Variants in DLGAP1 observed in about 807,000 individuals in gnomAD.
DLGAP1 encodes disks large-associated protein 1.
A neutral mutation model predicts 90.8 loss-of-function variants in DLGAP1; 11 were observed. The ratio of observed to expected loss-of-function variants is 0.12; its 90% CI spans 0.08 to 0.20. The LOEUF (loss-of-function observed/expected upper bound fraction) is 0.20, where lower values mean the gene tolerates loss of function less well. Among genes scored for constraint, DLGAP1 ranks in the 10% least tolerant of loss-of-function variants. The pLI is 1.00. For missense variants in DLGAP1, 1,050 were observed against 1,333.8 expected, an observed-to-expected ratio of 0.79 and a Z score of 3.31; for synonymous variants, 558 against 540.7, an observed-to-expected ratio of 1.03 and a Z score of -0.44.
intron 7 of DLGAP1, among the ~76,000 whole-genome samples, chr18:3,670,249 T>G (rs543709320): frequency 2.6e-5 from 4 of 152,266 alleles, no homozygotes; most frequent in African/African-American, 7.2e-5. Context: ...ACTAGAGAGA[T>G]AAATGGTGCC....
At chr18:3,531,628 G>A (rs2052011754) in intron 10 of DLGAP1, among the ~76,000 whole-genome samples, 1 of 151,646 alleles carries the variant, frequency 6.6e-6, no homozygotes, top group Non-Finnish European at 1.5e-5. Context: ...GATCACAGGG[G>A]CCAATCTCCA....
intron 1 of DLGAP1, among the ~76,000 whole-genome samples, chr18:4,439,136 C>T (rs918615010): frequency 6.6e-6 from 1 of 152,188 alleles, no homozygotes; most frequent in South Asian, 2.1e-4. Flanking sequence ...CACAGCACCC[C>T]GTGGCCTCTC....
intron 1 of DLGAP1, among the ~76,000 whole-genome samples, chr18:4,266,991 C>T (rs2079145723): frequency 6.6e-6 from 1 of 152,196 alleles, no homozygotes; most frequent in African/African-American, 2.4e-5. Flanking sequence ...TGTGCTCACC[C>T]ACCCACTGAT....
chr18:4,065,884 A>G (rs1371096947), intron 2 of DLGAP1, among the ~76,000 whole-genome samples: 1 of 152,192 alleles, frequency 6.6e-6, no homozygotes, highest in African/African-American at 2.4e-5. Context: ...AAAAGAACAA[A>G]GCTGAAGGCA....
intron 3 of DLGAP1, among the ~76,000 whole-genome samples, chr18:3,970,031 T>C (rs2073412604): frequency 6.6e-6 from 1 of 152,210 alleles, no homozygotes; most frequent in African/African-American, 2.4e-5. Context: ...TTAATACTAG[T>C]GGTAAGTTTG....
At chr18:4,299,045 C>A (rs2080057159) in intron 1 of DLGAP1, among the ~76,000 whole-genome samples, 1 of 136,074 alleles carries the variant, frequency 7.3e-6, no homozygotes, top group Admixed American at 8.3e-5. Context: ...CACGCCACTG[C>A]AGTCTAGCCT....
Position 4,198,733 on chromosome 18 carries a change from T to A in DLGAP1, c.-266-47446A>T, listed in dbSNP as rs976435414. On this transcript the variant is annotated intron_variant, in intron 1 of 12. Coordinates refer to ENST00000315677, the MANE Select transcript of DLGAP1 (RefSeq NM_004746.4). ...TAAGGATAAGAGATTGGCCTCAAGG[T>A]ACAATTCATCTTTCTCCTCATATTC... Among the ~76,000 whole-genome samples, 7 of 152,340 alleles carry A rather than the reference T, an allele frequency of 4.6e-5. No homozygotes were observed. The East Asian group carries it at 1.3e-3, about 29-fold the overall frequency.
At chr18:4,170,459 G>C (rs561807433) in intron 1 of DLGAP1, among the ~76,000 whole-genome samples, 83 of 152,178 alleles carry the variant, frequency 5.5e-4, no homozygotes, top group South Asian at 8.3e-4. Flanking sequence ...GTGAGAATGG[G>C]GAGTGAGGTC....
chr18:4,362,007 G>T (rs2081640547), intron 1 of DLGAP1, among the ~76,000 whole-genome samples: 1 of 152,118 alleles, frequency 6.6e-6, no homozygotes, highest in Non-Finnish European at 1.5e-5. Context: ...AATCAGTAGG[G>T]AAATGAAAAT....
chr18:4,286,558 T>G (rs745496240), intron 1 of DLGAP1, among the ~76,000 whole-genome samples: 1 of 151,994 alleles, frequency 6.6e-6, no homozygotes, highest in Non-Finnish European at 1.5e-5. Context: ...TAGCACAGGA[T>G]TAAAAGCGTC....
At chr18:3,742,026 A>T (rs758022260) in intron 6 of DLGAP1, among the ~76,000 whole-genome samples, 1 of 151,962 alleles carries the variant, frequency 6.6e-6, no homozygotes, top group Non-Finnish European at 1.5e-5. Flanking sequence ...TATTTTTGAT[A>T]GATACAGGGT....
intron 7 of DLGAP1, among the ~76,000 whole-genome samples, chr18:3,635,879 C>A (rs990210602): frequency 6.6e-6 from 1 of 151,520 alleles, no homozygotes; most frequent in Non-Finnish European, 1.5e-5. Context: ...TGCCTCTAAT[C>A]CAGACCCTTC....
At chr18:3,807,901 G>A (rs1479487922) in intron 5 of DLGAP1, among the ~76,000 whole-genome samples, 1 of 152,058 alleles carries the variant, frequency 6.6e-6, no homozygotes, top group African/African-American at 2.4e-5. Context: ...TTCAGTCTAC[G>A]CAGGCTTCCT....
intron 5 of DLGAP1, among the ~76,000 whole-genome samples, chr18:3,804,177 G>T (rs1396282926): frequency 6.6e-6 from 1 of 151,844 alleles, no homozygotes; most frequent in African/African-American, 2.4e-5. Flanking sequence ...TAGAAATGGG[G>T]TTTTGCCATA....
At chr18:4,398,015 A>G (rs1055437720) in intron 1 of DLGAP1, among the ~76,000 whole-genome samples, 1 of 152,206 alleles carries the variant, frequency 6.6e-6, no homozygotes, top group Admixed American at 6.5e-5. Flanking sequence ...GGAGGATACA[A>G]TATGATCTAT....
chr18:4,053,810 C>T (rs1418507357), intron 2 of DLGAP1, among the ~76,000 whole-genome samples: 1 of 152,088 alleles, frequency 6.6e-6, no homozygotes, highest in Non-Finnish European at 1.5e-5. Flanking sequence ...ACTAATACAC[C>T]TTGTTTCTGG....
chr18:3,976,834 C>G (rs2073592020), intron 3 of DLGAP1, among the ~76,000 whole-genome samples: 1 of 152,118 alleles, frequency 6.6e-6, no homozygotes, highest in Non-Finnish European at 1.5e-5. Flanking sequence ...TATAAAGGTA[C>G]TATTCTCATC....
intron 1 of DLGAP1, among the ~76,000 whole-genome samples, chr18:4,182,763 C>T (rs2077229819): frequency 6.6e-6 from 1 of 152,072 alleles, no homozygotes; most frequent in African/African-American, 2.4e-5. Flanking sequence ...ATGTTGCCAC[C>T]ACACTAGCAC....
chr18:4,126,320 C>A (rs1405297121), intron 2 of DLGAP1, among the ~76,000 whole-genome samples: 1 of 152,198 alleles, frequency 6.6e-6, no homozygotes, highest in Non-Finnish European at 1.5e-5. Context: ...CAGCAGTGCA[C>A]CAACTCATTC....
Sources: allele counts gnomAD v4.1 joint callset (sites outside exome capture counted in the v4.1 genomes callset), GRCh38; gene constraint gnomAD v4.1.1; transcripts MANE v1.5; gene names NCBI Gene and HGNC (gene_info 2026-07-23, HGNC 2026-07-21).